Variants in GPC5 observed in about 807,000 individuals in gnomAD.
GPC5 encodes glypican-5.
A neutral mutation model predicts 53.9 loss-of-function variants in GPC5; 47 were observed. The observed-to-expected ratio is 0.87, with a 90% CI of 0.69 to 1.11. The LOEUF (loss-of-function observed/expected upper bound fraction) is 1.11, where lower values mean the gene tolerates loss of function less well. Ranked by LOEUF, GPC5 falls within the 50% of genes most tolerant of loss-of-function variation. GPC5 has a pLI of 0.00. For synonymous variants in GPC5, 286 were observed against 263.3 expected (o/e 1.09, Z -0.84); for missense variants, 748 against 713.1 (o/e 1.05, Z -0.56).
chr13:92,804,463 T>C (rs1309128733), intron 7 of GPC5, among the ~76,000 whole-genome samples: 1 of 152,062 alleles, frequency 6.6e-6, no homozygotes, highest in East Asian at 1.9e-4. Flanking sequence ...TACACTAGTC[T>C]ATTAAATGTG....
intron 7 of GPC5, among the ~76,000 whole-genome samples, chr13:92,767,299 C>A (rs967470780): frequency 6.6e-6 from 1 of 151,936 alleles, no homozygotes; most frequent in Non-Finnish European, 1.5e-5. Context: ...GGTGAAACCC[C>A]GTCTCTGCTA....
At position 91,850,920 on chromosome 13, in the gene GPC5, A is replaced by C. The variant is rs181675036; in HGVS notation, c.1281-57017A>C. ...CATGGAATATGAATAGTCATTTTTT[A>C]TACATTGAAGAAAGAAATATTGAGT... On this transcript the variant is annotated intron_variant, in intron 5 of 7. Transcript: ENST00000377067. 1.5e-3 allele frequency among the ~76,000 whole-genome samples: 227 copies of C among 152,256 alleles called. 1 individual carries two copies. In the Middle Eastern group the frequency reaches 0.054, roughly 37 times the overall value.
chr13:91,866,495 T>A (rs2039086641), intron 5 of GPC5, among the ~76,000 whole-genome samples: 1 of 152,028 alleles, frequency 6.6e-6, no homozygotes, highest in African/African-American at 2.4e-5. Flanking sequence ...TCACAAGAGA[T>A]CTTGTTGTTT....
chr13:91,540,775 T>C (rs2138742394), intron 2 of GPC5, among the ~76,000 whole-genome samples: 1 of 152,288 alleles, frequency 6.6e-6, no homozygotes, highest in African/African-American at 2.4e-5. Context: ...TGGAACTAGA[T>C]TCCCTGTGAT....
chr13:92,440,163 G>A (rs755997605), intron 7 of GPC5, among the ~76,000 whole-genome samples: 5 of 152,220 alleles, frequency 3.3e-5, no homozygotes, highest in East Asian at 1.9e-4. Context: ...AGTATATTGC[G>A]TGATGCTGAG....
At chr13:92,431,953 A>G (rs1307916347) in intron 7 of GPC5, among the ~76,000 whole-genome samples, 3 of 152,220 alleles carry the variant, frequency 2.0e-5, no homozygotes, top group African/African-American at 7.2e-5. Context: ...TGAAGGCATC[A>G]AGGATACATA....
At chr13:92,702,557 C>T (rs890569520) in intron 7 of GPC5, among the ~76,000 whole-genome samples, 1 of 152,148 alleles carries the variant, frequency 6.6e-6, no homozygotes, top group Admixed American at 6.6e-5. Flanking sequence ...GAAATCCTCT[C>T]GATTCTATCT....
At chr13:91,745,323 T>C (rs1036547094) in intron 4 of GPC5, among the ~76,000 whole-genome samples, 1 of 152,096 alleles carries the variant, frequency 6.6e-6, no homozygotes, top group Non-Finnish European at 1.5e-5. Context: ...AATAGAGGCA[T>C]CTATCCTAAT....
chr13:91,798,823 A>T (rs1216839635), intron 5 of GPC5, among the ~76,000 whole-genome samples: 2 of 151,746 alleles, frequency 1.3e-5, no homozygotes, highest in East Asian at 3.9e-4. Context: ...ACTAATTTAC[A>T]CTCCCACCAT....
intron 7 of GPC5, among the ~76,000 whole-genome samples, chr13:92,778,693 G>A (rs548122576): frequency 4.6e-5 from 7 of 152,130 alleles, no homozygotes; most frequent in South Asian, 2.1e-4. Flanking sequence ...TTAGTTCTGC[G>A]ACTGATCTTC....
At chr13:92,169,627 TA>T (rs2042055306) in intron 7 of GPC5, among the ~76,000 whole-genome samples, 1 of 152,316 alleles carries the variant, frequency 6.6e-6, no homozygotes, top group Admixed American at 6.5e-5. Flanking sequence ...ATTAGCTTTT[TA>T]AAAATAAACT....
intron 7 of GPC5, among the ~76,000 whole-genome samples, chr13:92,535,650 G>A (rs1230725698): frequency 7.0e-6 from 1 of 142,880 alleles, no homozygotes; most frequent in Non-Finnish European, 1.5e-5. Flanking sequence ...GACTAGAATA[G>A]TCCATTTCTA....
At chr13:91,794,150 T>C (rs2138755974) in intron 5 of GPC5, among the ~76,000 whole-genome samples, 1 of 152,290 alleles carries the variant, frequency 6.6e-6, no homozygotes, top group East Asian at 1.9e-4. Flanking sequence ...TTCTGATCCA[T>C]TTTCCTCAAG....
At chr13:91,984,344 C>T (rs943232924) in intron 6 of GPC5, among the ~76,000 whole-genome samples, 11 of 152,088 alleles carry the variant, frequency 7.2e-5, no homozygotes, top group Admixed American at 2.6e-4. Context: ...TGGAGATGAA[C>T]ACATCTGATG....
chr13:91,917,554 G>A (rs67862777), intron 6 of GPC5, among the ~76,000 whole-genome samples: 9,347 of 152,176 alleles, frequency 0.061, 517 homozygotes, highest in East Asian at 0.25. Flanking sequence ...TTCTGTTTGG[G>A]GGTTCAACCC....
chr13:92,334,680 T>C (rs1555328657), intron 7 of GPC5, among the ~76,000 whole-genome samples: 1 of 152,108 alleles, frequency 6.6e-6, no homozygotes, highest in Non-Finnish European at 1.5e-5. Context: ...CTAGACACAA[T>C]GGGAGTACAG....
intron 7 of GPC5, among the ~76,000 whole-genome samples, chr13:92,277,876 G>T (rs1461409149): frequency 6.6e-6 from 1 of 151,744 alleles, no homozygotes; most frequent in Admixed American, 6.6e-5. Flanking sequence ...CTAACTCCTG[G>T]CTTGATGGTA....
At chr13:92,220,343 C>T (rs948627135) in intron 7 of GPC5, among the ~76,000 whole-genome samples, 1 of 152,100 alleles carries the variant, frequency 6.6e-6, no homozygotes, top group South Asian at 2.1e-4. Context: ...AATCTGAAAC[C>T]ATGTTTGAGT....
At chr13:92,215,413 A>C (rs2042402775) in intron 7 of GPC5, among the ~76,000 whole-genome samples, 1 of 152,214 alleles carries the variant, frequency 6.6e-6, no homozygotes, top group Non-Finnish European at 1.5e-5. Context: ...AAGCAATTTT[A>C]ATACATCAAC....
Sources: gnomAD v4.1 joint callset for allele counts (sites outside exome capture counted in the v4.1 genomes callset) on GRCh38, gnomAD v4.1.1 for gene constraint, MANE v1.5 for transcripts, NCBI Gene and HGNC (gene_info 2026-07-23, HGNC 2026-07-21) for gene names.